The following COL8A1 variants were observed in gnomAD, a reference collection of about 807,000 sequenced individuals.
COL8A1 encodes the protein collagen type VIII alpha 1 chain, also known as collagen alpha-1(VIII) chain.
In COL8A1, 21 loss-of-function variants were observed where a neutral mutation model predicts 42.7. The observed-to-expected ratio is 0.49, with a 90% confidence interval of 0.35 to 0.71. The LOEUF (loss-of-function observed/expected upper bound fraction) is 0.71. Ranked by LOEUF, COL8A1 falls within the 30% of genes least tolerant of loss-of-function variation. COL8A1 has a pLI of 0.01. For synonymous variants in COL8A1, 367 were observed against 369.1 expected (o/e 0.99, Z 0.06); for missense variants, 788 against 962.4 (o/e 0.82, Z 2.40).
At chr3:99,764,189 T>G (rs1941416277) in intron 2 of COL8A1, among the ~76,000 whole-genome samples, 1 of 152,180 alleles carries the variant, frequency 6.6e-6, no homozygotes, top group South Asian at 2.1e-4. Context: ...GCATAAGAAT[T>G]TTCTTATTTT....
chr3:99,768,355 A>G (rs1361771622), intron 2 of COL8A1, among the ~76,000 whole-genome samples: 5 of 152,216 alleles, frequency 3.3e-5, no homozygotes, highest in African/African-American at 1.2e-4. Context: ...ATTGCACACT[A>G]AGAGCTCTCA....
In COL8A1 at chr3:99,757,423, A is replaced by G. The variant is rs1368129071; in HGVS notation, c.-4+12402A>G. Reference sequence around the variant, plus strand: ...TTCCTACAGATTTTATGGGGTCTACATTTCTCACCCATTCTTCATACTCTT... The same window carrying G: ...TTCCTACAGATTTTATGGGGTCTACGTTTCTCACCCATTCTTCATACTCTT... On this transcript the variant is annotated intron_variant, in intron 2 of 3. Transcript: ENST00000652472. 2.6e-5 allele frequency among the ~76,000 whole-genome samples: 4 copies of G among 152,128 alleles called. No individual in the cohort carries two copies. The East Asian group carries it at 5.8e-4, about 22-fold the overall frequency.
At chr3:99,707,536 T>C (rs1301796313) in intron 1 of COL8A1, among the ~76,000 whole-genome samples, 1 of 152,170 alleles carries the variant, frequency 6.6e-6, no homozygotes, top group Admixed American at 6.5e-5. Context: ...CTGACAAGCA[T>C]GGCAGGTGTG....
At chr3:99,729,603 T>A (rs1036740948) in intron 1 of COL8A1, among the ~76,000 whole-genome samples, 9 of 152,078 alleles carry the variant, frequency 5.9e-5, no homozygotes, top group African/African-American at 2.2e-4. Flanking sequence ...TAATTTATCA[T>A]GATTAGCTGT....
At chr3:99,666,207 T>C (rs1938364658) in intron 1 of COL8A1, among the ~76,000 whole-genome samples, 1 of 152,176 alleles carries the variant, frequency 6.6e-6, no homozygotes, top group Admixed American at 6.5e-5. Flanking sequence ...ATCATCAAAA[T>C]ATCTCCCATG....
chr3:99,645,946 G>A (rs1159256304), intron 1 of COL8A1, among the ~76,000 whole-genome samples: 1 of 152,118 alleles, frequency 6.6e-6, no homozygotes, highest in Non-Finnish European at 1.5e-5. Flanking sequence ...AGCCTGCGGT[G>A]ACTAGACCCT....
At chr3:99,658,383 T>G (rs1214092966) in intron 1 of COL8A1, among the ~76,000 whole-genome samples, 2 of 152,204 alleles carry the variant, frequency 1.3e-5, no homozygotes, top group African/African-American at 2.4e-5. Flanking sequence ...CATCGCCTCT[T>G]AACTCCCCAA....
At chr3:99,738,295 G>A (rs1362685581) in intron 1 of COL8A1, among the ~76,000 whole-genome samples, 2 of 152,192 alleles carry the variant, frequency 1.3e-5, no homozygotes, top group East Asian at 3.9e-4. Context: ...GAGGAGGAGA[G>A]GCACTCTGAT....
chr3:99,784,027 A>C (rs1941845738), intron 2 of COL8A1, among the ~76,000 whole-genome samples: 2 of 152,232 alleles, frequency 1.3e-5, no homozygotes. Flanking sequence ...AGAGTAAGAA[A>C]GCCTGTCTAA....
At chr3:99,696,009 C>A (rs779946032) in intron 1 of COL8A1, among the ~76,000 whole-genome samples, 2 of 152,180 alleles carry the variant, frequency 1.3e-5, no homozygotes, top group Non-Finnish European at 2.9e-5. Flanking sequence ...TGGCAGGTGC[C>A]TGTAATCCCA....
intron 1 of COL8A1, among the ~76,000 whole-genome samples, chr3:99,697,275 C>T (rs1708168): frequency 0.28 from 42,167 of 151,964 alleles, 7,191 homozygotes; most frequent in East Asian, 0.48. Context: ...CGTGAGCCAC[C>T]GCGCCCGGCA....
chr3:99,721,040 T>C (rs956225988), intron 1 of COL8A1, among the ~76,000 whole-genome samples: 4 of 151,742 alleles, frequency 2.6e-5, no homozygotes, highest in Admixed American at 2.0e-4. Context: ...GAGGAAAAGA[T>C]GAAAGGGCTG....
At chr3:99,739,329 A>T (rs1004574737) in intron 1 of COL8A1, among the ~76,000 whole-genome samples, 6 of 152,122 alleles carry the variant, frequency 3.9e-5, no homozygotes, top group African/African-American at 1.4e-4. Context: ...TGGATCTACC[A>T]TTGCGGGGTC....
chr3:99,773,838 T>TATATATTATATATATATATATATATATA (rs57465016), intron 2 of COL8A1, among the ~76,000 whole-genome samples: 1 of 58,416 alleles, frequency 1.7e-5, no homozygotes, highest in Non-Finnish European at 3.0e-5. Flanking sequence ...TATATATATA[T>TATATATTATATATATATATATATATATA]TTTTTTTTTT....
intron 1 of COL8A1, among the ~76,000 whole-genome samples, chr3:99,728,368 AG>A (rs1940400487): frequency 6.6e-6 from 1 of 151,988 alleles, no homozygotes; most frequent in South Asian, 2.1e-4. Context: ...AAACACACAC[AG>A]CACATATTTT....
At position 99,719,415 on chromosome 3, in the gene COL8A1, C is replaced by A. The variant is rs146541244; in HGVS notation, c.-128-25482C>A. ...GAATGAATAAGAAATTTCATTTACTCCTCACAACAGCCTTAAAATGTAACA... is the reference window on the plus strand; with the variant it reads ...GAATGAATAAGAAATTTCATTTACTACTCACAACAGCCTTAAAATGTAACA... On this transcript the variant is annotated intron_variant, in intron 1 of 3. Coordinates refer to ENST00000652472, the MANE Select transcript of COL8A1 (RefSeq NM_020351.4). Among the ~76,000 whole-genome samples the A allele has an allele frequency of 4.4e-3, 677 of 152,148 alleles. 6 individuals carry two copies. Among genetic ancestry groups the A allele is most frequent in the African/African-American group, 0.015 (634 of 41,538 alleles).
Position 99,798,671 on chromosome 3 carries a change from T to C in COL8A1, c.*2535T>C, listed in dbSNP as rs1449853558. On this transcript the variant is annotated 3_prime_UTR_variant, in exon 4 of 4. Transcript: ENST00000652472. ...GCGCACGTGTGTGTATGCGTGCGCA[T>C]GTGTGTGTATGTGTATTATCAGACA... The C allele has an allele frequency of 2.0e-5, 3 of 152,042 alleles. No homozygotes were observed. Among genetic ancestry groups the C allele is most frequent in the Non-Finnish European group, 4.4e-5 (3 of 67,982 alleles). 9.4% of individuals were successfully genotyped at this position (152,042 alleles called of 1,614,324 possible).
intron 1 of COL8A1, among the ~76,000 whole-genome samples, chr3:99,658,524 C>G (rs540013964): frequency 6.6e-6 from 1 of 152,314 alleles, no homozygotes; most frequent in East Asian, 1.9e-4. Context: ...GTCTCCATGG[C>G]TAGCCTGTAA....
intron 2 of COL8A1, among the ~76,000 whole-genome samples, chr3:99,786,672 C>G (rs976667138): frequency 6.6e-6 from 1 of 152,176 alleles, no homozygotes; most frequent in Non-Finnish European, 1.5e-5. Flanking sequence ...TCACCTGTCT[C>G]TCCACACTAG....
Sources: gnomAD v4.1 joint callset for allele counts (sites outside exome capture counted in the v4.1 genomes callset) on GRCh38, gnomAD v4.1.1 for gene constraint, MANE v1.5 for transcripts, NCBI Gene and HGNC (gene_info 2026-07-23, HGNC 2026-07-21) for gene names.